SNX11: variants seen among roughly 807,000 people sequenced by gnomAD.
SNX11 encodes sorting nexin 11.
A neutral mutation model predicts 30.7 loss-of-function variants in SNX11; 19 were observed. The observed-to-expected ratio is 0.62, with a 90% CI of 0.43 to 0.91. The LOEUF is 0.91. Ranked by LOEUF, SNX11 falls within the 40% of genes least tolerant of loss-of-function variation. The pLI, the probability that SNX11 is intolerant of heterozygous loss-of-function variation, is 0.00. For synonymous variants in SNX11, 112 were observed against 119.0 expected (o/e 0.94, Z 0.38); for missense variants, 302 against 326.7 (o/e 0.92, Z 0.58).
chr17:48,115,202 C>T (rs1328314194), intron 4 of SNX11, among the ~76,000 whole-genome samples: 1 of 151,742 alleles, frequency 6.6e-6, no homozygotes, highest in Non-Finnish European at 1.5e-5. Flanking sequence ...GCTGGGATTA[C>T]AGGTCCCTAC....
chr17:48,109,601 G>A (rs990428709), intron 1 of SNX11, among the ~76,000 whole-genome samples: 1 of 145,018 alleles, frequency 6.9e-6, no homozygotes, highest in Non-Finnish European at 1.5e-5. Context: ...TTTTGACAAC[G>A]GAGTCTTGCA....
chr17:48,117,597 GC>G (rs371305164), intron 4 of SNX11, among the ~76,000 whole-genome samples: 175 of 151,142 alleles, frequency 1.2e-3, no homozygotes, highest in African/African-American at 4.2e-3. Flanking sequence ...TCACCATGTC[GC>G]CCAAGCTGGT....
In SNX11 at chr17:48,121,455, G is replaced by GA. The variant is rs777577547; in HGVS notation, c.761dup (p.Asp254GlufsTer56). The GA allele has an allele frequency of 1.9e-6, 3 of 1,614,152 alleles. No homozygotes were observed. In the African/African-American group the frequency reaches 4.0e-5, roughly 22 times the overall value. ...GTCTGTGAGGAGGGCTGTGGGAGGAGATCATGCTGTGCCTTTGGACCCTGG... is the reference window on the plus strand; with the variant it reads ...GTCTGTGAGGAGGGCTGTGGGAGGAGAATCATGCTGTGCCTTTGGACCCTGG... On this transcript the variant is annotated frameshift_variant, in exon 7 of 7. Coordinates refer to ENST00000359238, the MANE Select transcript of SNX11 (RefSeq NM_013323.3). LOFTEE classifies it high-confidence loss of function.
chr17:48,121,799 G>A lies in SNX11; in HGVS notation c.*291G>A, dbSNP rs1237446958. ...CTGAGTTTCTGCAGGTCATTTGTAT[G>A]TAGGACCAGGAGTATCTCCTCAGGT... On this transcript the variant is annotated 3_prime_UTR_variant, in exon 7 of 7. Transcript: ENST00000359238. 1 of 367,384 alleles carries A rather than the reference G, an allele frequency of 2.7e-6. No individual in the cohort carries two copies. Among genetic ancestry groups the A allele is most frequent in the Non-Finnish European group, 5.0e-6 (1 of 199,410 alleles). 22.8% of individuals were successfully genotyped at this position (367,384 alleles called of 1,614,324 possible). A position where few individuals can be genotyped will look rare whatever the true frequency, so the allele number is the denominator to read the frequency against.
In SNX11 at chr17:48,121,380, C is replaced by A; in HGVS notation, c.685C>A (p.Pro229Thr). 6.2e-7 allele frequency: 1 copy of A among 1,614,214 alleles called. No homozygotes were observed. The change falls in exon 7 of 7, where the codon CCA becomes ACA. Residue 229 changes from proline (P) to threonine (T), a missense_variant. Pro to Thr is a conservative substitution (Grantham distance 38). Coordinates refer to ENST00000359238, the MANE Select transcript of SNX11 (RefSeq NM_013323.3). ...ESPTLPPLSS[P>T]LCCDFGRPKE... is the part of the protein sequence containing the mutation. ...TCCCACTCTCCCACCCCTCTCCTCA[C>A]CATTATGCTGTGATTTTGGAAGACC...
chr17:48,119,219 T>G, intron 6 of SNX11, 33 bp downstream of exon 6: 1 of 1,518,692 alleles, frequency 6.6e-7, no homozygotes, highest in Non-Finnish European at 9.1e-7. Flanking sequence ...TAGCAGGGGC[T>G]AGGTTTGCTA....
chr17:48,114,684 C>CT (rs35097487), intron 4 of SNX11, among the ~76,000 whole-genome samples: 98,994 of 112,874 alleles, frequency 0.88, 43,496 homozygotes, highest in Admixed American at 0.9. Flanking sequence ...GTTTTTTTTG[C>CT]TTTTTTTTTT....
At position 48,121,226 on chromosome 17, in the gene SNX11, CTT is replaced by C. The variant is rs748055301; in HGVS notation, c.540-6_540-5del. ...ATACCTTTCTTTTCCCTTTCCCACT[CTT>C]TTCCAGTTGCTGCTTTCTTCCAAGA... On this transcript the variant is annotated splice_polypyrimidine_tract_variant and splice_region_variant and intron_variant, in intron 6 of 6. Transcript: ENST00000359238. 1 of 1,613,840 alleles carries C rather than the reference CTT, an allele frequency of 6.2e-7. No individual in the cohort carries two copies. The highest frequency in any genetic ancestry group is 1.7e-5 in the Admixed American group (1 of 59,980).
intron 4 of SNX11, among the ~76,000 whole-genome samples, chr17:48,114,582 G>T (rs898276613): frequency 6.6e-6 from 1 of 150,532 alleles, no homozygotes; most frequent in South Asian, 2.1e-4. Flanking sequence ...TCAGCCTCCC[G>T]AGTAGCTGGA....
intron 4 of SNX11, among the ~76,000 whole-genome samples, chr17:48,115,990 G>A (rs1051518441): frequency 6.7e-5 from 10 of 148,912 alleles, no homozygotes; most frequent in Admixed American, 2.7e-4. Context: ...AGCCTCTGCC[G>A]GTCGCGGTGG....
intron 4 of SNX11, among the ~76,000 whole-genome samples, chr17:48,114,486 C>G (rs535695826): frequency 1.8e-4 from 23 of 129,662 alleles, no homozygotes; most frequent in African/African-American, 5.5e-4. Context: ...GAGATGGAGT[C>G]TCGCTCTGTC....
intron 2 of SNX11, 61 bp from the exon 3 acceptor site, chr17:48,112,513 C>G: frequency 1.8e-6 from 2 of 1,088,572 alleles, no homozygotes; most frequent in East Asian, 4.8e-5. Context: ...ATCTAGCGAC[C>G]TGTGTTGTCA....
chr17:48,112,486 T>C (rs770113801), intron 2 of SNX11, 88 bp from the exon 3 acceptor site: 12 of 784,616 alleles, frequency 1.5e-5, no homozygotes, highest in Non-Finnish European at 2.4e-5. Context: ...GAATGAAAGT[T>C]GGTGTTGGGT....
chr17:48,122,315 A>G lies in SNX11; in HGVS notation c.*807A>G, dbSNP rs974547888. On this transcript the variant is annotated 3_prime_UTR_variant, in exon 7 of 7. Coordinates refer to ENST00000359238, the MANE Select transcript of SNX11 (RefSeq NM_013323.3). ...TAGAGTGGGCTCCTTTCTTTTTGGA[A>G]TCCTTTTCTTCTCCTTTGGTAGCAG... is the stretch of plus-strand genomic sequence containing the variant. 2 of 153,740 alleles carry G rather than the reference A, an allele frequency of 1.3e-5. No individual in the cohort carries two copies. Among genetic ancestry groups the G allele is most frequent in the African/African-American group, 4.8e-5 (2 of 41,432 alleles). 9.5% of individuals were successfully genotyped at this position (153,740 alleles called of 1,614,324 possible).
At chr17:48,120,195 T>C (rs1217956855) in intron 6 of SNX11, among the ~76,000 whole-genome samples, 1 of 143,222 alleles carries the variant, frequency 7.0e-6, no homozygotes, top group Non-Finnish European at 1.5e-5. Context: ...TCACTTGCAT[T>C]TATCTGTTTT....
rs902111819 is a variant in SNX11, at chr17:48,120,110, CT to C, written c.539+931del. Among the ~76,000 whole-genome samples the C allele has an allele frequency of 1.2e-4, 18 of 149,958 alleles. 1 individual carries two copies. Among genetic ancestry groups the C allele is most frequent in the Middle Eastern group, 3.4e-3 (1 of 292 alleles). The stretch of plus-strand genomic sequence containing the variant: ...CATTACTTCATTACTGTTTTTTTCT[CT>C]TTTTTTCCCCCATTTTTATGGCTAA... On this transcript the variant is annotated intron_variant, in intron 6 of 6. Transcript: ENST00000359238.
At chr17:48,112,715 T>G (rs752794309) in intron 3 of SNX11, 55 bp downstream of exon 3, 1 of 1,124,992 alleles carries the variant, frequency 8.9e-7, no homozygotes, top group Non-Finnish European at 1.3e-6. Flanking sequence ...CTGAGGGGCT[T>G]GTACTGAGGT....
chr17:48,121,167 G>A, intron 6 of SNX11, 68 bp from the exon 7 acceptor site: 2 of 1,514,376 alleles, frequency 1.3e-6, no homozygotes, highest in South Asian at 1.2e-5. Context: ...TTTTTTTGTA[G>A]AGACGGAGTC....
Position 48,122,386 on chromosome 17 carries a change from C to CG in SNX11, c.*879dup, listed in dbSNP as rs2063610668. 2 of 153,492 alleles carry CG rather than the reference C, an allele frequency of 1.3e-5. No individual in the cohort carries two copies. The highest frequency in any genetic ancestry group is 2.9e-5 in the Non-Finnish European group (2 of 68,170). 9.5% of individuals were successfully genotyped at this position (153,492 alleles called of 1,614,324 possible). A position where few individuals can be genotyped will look rare whatever the true frequency, so the allele number is the denominator to read the frequency against. ...CGCCACCAGCGTCTCTGCTGTGTTGCGCAGTGCAGTGGGGTGCAAGGGCTT... is the reference window on the plus strand; with the variant it reads ...CGCCACCAGCGTCTCTGCTGTGTTGCGGCAGTGCAGTGGGGTGCAAGGGCTT... On this transcript the variant is annotated 3_prime_UTR_variant, in exon 7 of 7. Coordinates refer to ENST00000359238, the MANE Select transcript of SNX11 (RefSeq NM_013323.3).
Sources: gnomAD v4.1 joint callset for allele counts (sites outside exome capture counted in the v4.1 genomes callset) on GRCh38, gnomAD v4.1.1 for gene constraint, MANE v1.5 for transcripts, NCBI Gene and HGNC (gene_info 2026-07-23, HGNC 2026-07-21) for gene names.